Variants in STK39 observed in about 807,000 individuals in gnomAD.
STK39 encodes STE20/SPS1-related proline-alanine-rich protein kinase.
In STK39, 20 loss-of-function variants were observed where a neutral mutation model predicts 77.8. That is an observed-to-expected ratio of 0.26 (90% CI 0.18 to 0.37). The LOEUF (loss-of-function observed/expected upper bound fraction) is 0.37, where lower values mean the gene tolerates loss of function less well. STK39 is among the 10% of genes least tolerant of loss of function. The pLI is 1.00. For missense variants in STK39, 479 were observed against 656.5 expected (o/e 0.73, Z 2.95); for synonymous variants, 246 against 234.1 (o/e 1.05, Z -0.47).
chr2:168,031,922 C>T (rs185127823), intron 14 of STK39, among the ~76,000 whole-genome samples: 289 of 152,276 alleles, frequency 1.9e-3, no homozygotes, highest in African/African-American at 6.7e-3. Context: ...AATTTGTTCT[C>T]GGCCTCTGGA....
chr2:168,025,551 A>G (rs1684673648), intron 14 of STK39, among the ~76,000 whole-genome samples: 1 of 152,248 alleles, frequency 6.6e-6, no homozygotes, highest in Non-Finnish European at 1.5e-5. Flanking sequence ...ATGCACTCAC[A>G]TATACACACG....
intron 14 of STK39, among the ~76,000 whole-genome samples, chr2:168,048,692 C>A (rs1034756813): frequency 6.6e-6 from 1 of 152,158 alleles, no homozygotes; most frequent in African/African-American, 2.4e-5. Flanking sequence ...ATAATTGGCT[C>A]TTGCTTTATT....
intron 5 of STK39, among the ~76,000 whole-genome samples, chr2:168,154,152 G>T (rs966378462): frequency 6.6e-6 from 1 of 152,182 alleles, no homozygotes; most frequent in African/African-American, 2.4e-5. Flanking sequence ...CCAAGAGAAC[G>T]ACAAGGATCG....
At chr2:168,151,248 G>A (rs1282299368) in intron 5 of STK39, among the ~76,000 whole-genome samples, 2 of 152,096 alleles carry the variant, frequency 1.3e-5, no homozygotes, top group Admixed American at 1.3e-4. Flanking sequence ...GACAACAAAA[G>A]AAGAAATCAT....
chr2:168,129,500 G>A, intron 10 of STK39, 41 bp downstream of exon 10: 1 of 1,605,858 alleles, frequency 6.2e-7, no homozygotes, highest in Admixed American at 1.7e-5. Flanking sequence ...ATTTCCCTGG[G>A]GATTGGTTCC....
chr2:168,003,431 T>C (rs1483898285), intron 16 of STK39, among the ~76,000 whole-genome samples: 1 of 152,238 alleles, frequency 6.6e-6, no homozygotes, highest in African/African-American at 2.4e-5. Context: ...TTAATATTAA[T>C]GTCCAATTTT....
At chr2:168,035,833 T>C (rs1262324851) in intron 14 of STK39, among the ~76,000 whole-genome samples, 1 of 152,170 alleles carries the variant, frequency 6.6e-6, no homozygotes, top group African/African-American at 2.4e-5. Flanking sequence ...TGAATGCCTC[T>C]TTCTTTACCT....
At chr2:168,105,324 C>CT (rs1217898957) in intron 10 of STK39, among the ~76,000 whole-genome samples, 1 of 152,210 alleles carries the variant, frequency 6.6e-6, no homozygotes, top group African/African-American at 2.4e-5. Context: ...GGCCTGCGCT[C>CT]TCTTAGGGAC....
At chr2:168,132,207 T>C (rs1687715259) in intron 8 of STK39, among the ~76,000 whole-genome samples, 5 of 152,342 alleles carry the variant, frequency 3.3e-5, no homozygotes, top group Admixed American at 3.3e-4. Context: ...ATTTTAATTT[T>C]TTTAATGTGA....
rs185850726 is a variant in STK39 at position 168,175,535 on chromosome 2, T to A, written c.321+6443A>T. ...TTAATTAGTATCCGAATAAGCTACATAACTTTTAAATTTGATGTTCCAAAA... is the reference window on the plus strand; with the variant it reads ...TTAATTAGTATCCGAATAAGCTACAAAACTTTTAAATTTGATGTTCCAAAA... On this transcript the variant is annotated intron_variant, in intron 2 of 17. Transcript: ENST00000355999. Among the ~76,000 whole-genome samples, 3 of 152,336 alleles carry A rather than the reference T, an allele frequency of 2.0e-5. No homozygotes were observed. The East Asian group carries it at 5.8e-4, about 29-fold the overall frequency.
chr2:168,089,867 C>A (rs4667554), intron 10 of STK39, among the ~76,000 whole-genome samples: 14,338 of 152,236 alleles, frequency 0.094, 908 homozygotes, highest in East Asian at 0.22. Flanking sequence ...CTTGCCTTGT[C>A]CTCCCAAAGG....
chr2:167,960,670 C>A (rs1248561776), intron 17 of STK39, among the ~76,000 whole-genome samples: 2 of 152,106 alleles, frequency 1.3e-5, no homozygotes, highest in African/African-American at 4.8e-5. Flanking sequence ...GCCTGCACCC[C>A]ATGGAGGAGC....
chr2:168,130,767 A>C (rs1188518934), intron 8 of STK39, among the ~76,000 whole-genome samples: 1 of 152,224 alleles, frequency 6.6e-6, no homozygotes, highest in African/African-American at 2.4e-5. Context: ...TTCTTACACA[A>C]AGAATAGCTT....
At chr2:167,999,960 T>C (rs1341891771) in intron 16 of STK39, among the ~76,000 whole-genome samples, 1 of 152,148 alleles carries the variant, frequency 6.6e-6, no homozygotes, top group Non-Finnish European at 1.5e-5. Context: ...TACTGGCTGG[T>C]GATACAGGTG....
intron 1 of STK39, among the ~76,000 whole-genome samples, chr2:168,220,776 AC>A (rs1184000524): frequency 3.3e-5 from 5 of 152,336 alleles, no homozygotes; most frequent in Non-Finnish European, 7.3e-5. Flanking sequence ...CAAAGATAAT[AC>A]AATTGAACAT....
chr2:168,104,740 A>G (rs1218233878), intron 10 of STK39, among the ~76,000 whole-genome samples: 1 of 152,228 alleles, frequency 6.6e-6, no homozygotes, highest in African/African-American at 2.4e-5. Flanking sequence ...ACATTCTGGA[A>G]GACAATTTGC....
chr2:168,227,400 T>C (rs1450545758), intron 1 of STK39, among the ~76,000 whole-genome samples: 1 of 152,242 alleles, frequency 6.6e-6, no homozygotes, highest in Non-Finnish European at 1.5e-5. Context: ...CCTTAAAATT[T>C]AGCGGACCAC....
chr2:167,989,209 T>C (rs1197050345), intron 16 of STK39, among the ~76,000 whole-genome samples: 1 of 152,166 alleles, frequency 6.6e-6, no homozygotes, highest in Non-Finnish European at 1.5e-5. Context: ...GCAATAATGC[T>C]AGTCATTCCC....
At chr2:168,001,343 A>C (rs1158228641) in intron 16 of STK39, among the ~76,000 whole-genome samples, 1 of 152,084 alleles carries the variant, frequency 6.6e-6, no homozygotes, top group Non-Finnish European at 1.5e-5. Flanking sequence ...GGACAGCATA[A>C]ACCTGATGAC....
Sources: gnomAD v4.1 joint callset for allele counts (sites outside exome capture counted in the v4.1 genomes callset) on GRCh38, gnomAD v4.1.1 for gene constraint, MANE v1.5 for transcripts, NCBI Gene and HGNC (gene_info 2026-07-23, HGNC 2026-07-21) for gene names.